Variants in MAP4 observed in about 807,000 individuals in gnomAD.
MAP4 encodes microtubule-associated protein 4.
In MAP4, 76 loss-of-function variants were observed where a neutral mutation model predicts 170.2. That is an observed-to-expected ratio of 0.45 (90% CI 0.37 to 0.54). MAP4 has a LOEUF of 0.54. Among genes scored for constraint, MAP4 ranks in the 20% least tolerant of loss-of-function variants. The pLI is 0.00. For missense variants in MAP4, 2,506 were observed against 2,748.0 expected (o/e 0.91, Z 1.97); for synonymous variants, 909 against 994.5 (o/e 0.91, Z 1.62).
Position 47,916,611 on chromosome 3 carries a change from G to A in MAP4, c.1216C>T (p.Pro406Ser). 6.2e-7 allele frequency: 1 copy of A among 1,614,178 alleles called. No homozygotes were observed. The change falls in exon 7 of 21, where the codon CCA (proline) becomes TCA (serine). Residue 406 changes from proline (P) to serine (S), a missense_variant. Transcript: ENST00000683076. ...GAGAGTAATACCAAATCCTTGGCTG[G>A]GACTATCTTGTTTTCTTTGGGTGGT... ...MGPPKENKIV[P>S]AKDLVLLSEI...
At chr3:48,010,507 T>C (rs1419219671) in intron 1 of MAP4, among the ~76,000 whole-genome samples, 1 of 152,246 alleles carries the variant, frequency 6.6e-6, no homozygotes, top group African/African-American at 2.4e-5. Context: ...TCTGGTTGTA[T>C]GAAGGATAGT....
intron 3 of MAP4, among the ~76,000 whole-genome samples, chr3:47,948,920 C>T (rs999799353): frequency 2.6e-5 from 4 of 152,090 alleles, no homozygotes; most frequent in African/African-American, 7.2e-5. Context: ...TGCGCCCGGC[C>T]GATCAATTTT....
intron 1 of MAP4, among the ~76,000 whole-genome samples, chr3:48,044,969 T>C (rs1360474690): frequency 6.7e-6 from 1 of 148,482 alleles, no homozygotes; most frequent in Non-Finnish European, 1.5e-5. Flanking sequence ...ATTTTTTTTT[T>C]GTTGAGGCCA....
intron 1 of MAP4, among the ~76,000 whole-genome samples, chr3:48,069,750 T>C (rs558520491): frequency 6.6e-6 from 1 of 152,294 alleles, no homozygotes; most frequent in African/African-American, 2.4e-5. Flanking sequence ...ACTCTTAAAA[T>C]ATACTCAGCC....
At chr3:47,890,064 A>G (rs886174014) in intron 10 of MAP4, among the ~76,000 whole-genome samples, 2 of 152,180 alleles carry the variant, frequency 1.3e-5, no homozygotes, top group Non-Finnish European at 2.9e-5. Flanking sequence ...ATATTAGAGA[A>G]AACAGGTCCC....
At chr3:47,917,330 G>A (rs1484184963) in intron 6 of MAP4, among the ~76,000 whole-genome samples, 156 bp from the exon 7 acceptor site, 1 of 152,194 alleles carries the variant, frequency 6.6e-6, no homozygotes, top group Non-Finnish European at 1.5e-5. Context: ...GCTCACGCCT[G>A]TAATCCCAGA....
intron 5 of MAP4, among the ~76,000 whole-genome samples, chr3:47,920,862 A>T (rs2100042449): frequency 2.0e-5 from 3 of 152,182 alleles, no homozygotes; most frequent in Admixed American, 1.3e-4. Flanking sequence ...GTAAATGAAG[A>T]AGTAGAAAAA....
chr3:48,042,453 A>G (rs942141979), intron 1 of MAP4, among the ~76,000 whole-genome samples: 6 of 152,230 alleles, frequency 3.9e-5, no homozygotes, highest in African/African-American at 1.4e-4. Context: ...AAAAAGGCAA[A>G]TTAATTTAAA....
At chr3:47,918,631 G>T in intron 6 of MAP4, 88 bp downstream of exon 6, 2 of 1,037,578 alleles carry the variant, frequency 1.9e-6, no homozygotes, top group South Asian at 1.4e-5. Flanking sequence ...TATACCTGCT[G>T]TAAGCTGCTA....
In MAP4 at chr3:47,902,442, G is replaced by A. The variant is rs371618693; in HGVS notation, c.5434+508C>T. On this transcript the variant is annotated intron_variant, in intron 10 of 20. Transcript: ENST00000683076. ...TGTAGTCCCAGCACTTTGGGAGACC[G>A]AGGTGGGTGGATCACGAGGTCAGGA... Among the ~76,000 whole-genome samples the A allele has an allele frequency of 7.9e-4, 120 of 152,100 alleles. 1 individual carries two copies. The highest frequency in any genetic ancestry group is 2.7e-3 in the African/African-American group (112 of 41,490).
In MAP4 at chr3:47,877,355, A is replaced by G. The variant is rs772643904; in HGVS notation, c.5541+62T>C. On this transcript the variant is annotated intron_variant, in intron 11 of 20. Coordinates refer to ENST00000683076, the MANE Select transcript of MAP4 (RefSeq NM_001385682.1). ...TTTCATTCGTGATTCAAGCAATAAC[A>G]GCAGAAGATACTCCGTTTAAAAATT... The G allele has an allele frequency of 4.0e-6, 5 of 1,237,252 alleles. No homozygotes were observed. The South Asian group carries it at 6.0e-5, about 15-fold the overall frequency. 76.6% of individuals were successfully genotyped at this position (1,237,252 alleles called of 1,614,324 possible). A position where few individuals can be genotyped will look rare whatever the true frequency, so the allele number is the denominator to read the frequency against.
At chr3:47,891,325 T>C (rs1235184228) in intron 10 of MAP4, 15 of 1,536,094 alleles carry the variant, frequency 9.8e-6, no homozygotes, top group South Asian at 1.2e-5. Context: ...TGGCCACTGG[T>C]TCCTCACAGA....
rs775551943 is a variant in MAP4, at chr3:47,853,400, G to T, written c.6697-48C>A. 5 of 1,291,850 alleles carry T rather than the reference G, an allele frequency of 3.9e-6. No individual in the cohort carries two copies. In the African/African-American group the frequency reaches 5.8e-5, roughly 15 times the overall value. 80.0% of individuals were successfully genotyped at this position (1,291,850 alleles called of 1,614,324 possible). A position where few individuals can be genotyped will look rare whatever the true frequency, so the allele number is the denominator to read the frequency against. On this transcript the variant is annotated intron_variant, in intron 19 of 20. Coordinates refer to ENST00000683076, the MANE Select transcript of MAP4 (RefSeq NM_001385682.1). ...ACAGTGCAGGGTCAGTCGAGGGGGG[G>T]AGTGGGATGGGGTGATGGTGGTGGG... is the stretch of plus-strand genomic sequence containing the variant.
At position 47,910,634 on chromosome 3, in the gene MAP4, TA is replaced by T. The variant is rs1260802201; in HGVS notation, c.3786del (p.Phe1262LeufsTer45). ...SIPHKSKEIGFTFPKMHDSSF... is the reference protein window; with the variant it reads ...SIPHKSKEIGXTFPKMHDSSF... ...GAAGAATCATGCATTTTGGGGAAAGTAAATCCTATTTCCTTGCTTTTATGGG... is the reference window on the plus strand; with the variant it reads ...GAAGAATCATGCATTTTGGGGAAAGTAATCCTATTTCCTTGCTTTTATGGG... On this transcript the variant is annotated frameshift_variant, in exon 9 of 21. Coordinates refer to ENST00000683076, the MANE Select transcript of MAP4 (RefSeq NM_001385682.1). LOFTEE classifies it high-confidence loss of function. 1.3e-6 allele frequency: 2 copies of T among 1,536,166 alleles called. No homozygotes were observed. Among genetic ancestry groups the T allele is most frequent in the South Asian group, 2.4e-5 (2 of 84,066 alleles).
chr3:47,937,754 C>T (rs564355352), intron 3 of MAP4, among the ~76,000 whole-genome samples: 3 of 149,962 alleles, frequency 2.0e-5, no homozygotes, highest in South Asian at 2.1e-4. Context: ...CTCTGCCTCC[C>T]GGGTTCAAGC....
At chr3:47,917,801 C>A (rs1042496993) in intron 6 of MAP4, among the ~76,000 whole-genome samples, 3 of 152,080 alleles carry the variant, frequency 2.0e-5, no homozygotes, top group Non-Finnish European at 2.9e-5. Flanking sequence ...GCAGGTCAGT[C>A]ATGCTTCCTA....
At chr3:47,928,466 G>A (rs1371870331) in intron 3 of MAP4, 116 bp from the exon 4 acceptor site, 3 of 1,059,936 alleles carry the variant, frequency 2.8e-6, no homozygotes, top group South Asian at 3.2e-5. Flanking sequence ...TATCTAGCTA[G>A]TGTCTTACAA....
intron 1 of MAP4, among the ~76,000 whole-genome samples, chr3:48,004,851 A>G (rs1330708563): frequency 6.6e-6 from 1 of 151,726 alleles, no homozygotes; most frequent in African/African-American, 2.4e-5. Flanking sequence ...CATCCCCGCC[A>G]TCAACCTTTC....
chr3:47,921,949 C>G, intron 4 of MAP4, 71 bp from the exon 5 acceptor site: 1 of 767,302 alleles, frequency 1.3e-6, no homozygotes, highest in Non-Finnish European at 2.3e-6. Flanking sequence ...TTCTTTCTTT[C>G]TTTCTTTTTT....
Sources: allele counts gnomAD v4.1 joint callset (sites outside exome capture counted in the v4.1 genomes callset), GRCh38; gene constraint gnomAD v4.1.1; transcripts MANE v1.5; gene names NCBI Gene and HGNC (gene_info 2026-07-23, HGNC 2026-07-21).